MSL3: variants seen among roughly 807,000 people sequenced by gnomAD.
The protein encoded by MSL3 is MSL complex subunit 3.
A neutral mutation model predicts 37.2 loss-of-function variants in MSL3; 5 were observed. The ratio of observed to expected loss-of-function variants is 0.13; its 90% CI spans 0.07 to 0.28. The LOEUF is 0.28. Ranked by LOEUF, MSL3 falls within the 10% of genes least tolerant of loss-of-function variation. MSL3 has a pLI of 1.00. For synonymous variants in MSL3, 149 were observed against 147.6 expected (o/e 1.01, Z -0.07); for missense variants, 315 against 408.5 (o/e 0.77, Z 1.97).
intron 12 of MSL3, among the ~76,000 whole-genome samples, chrX:11,773,235 T>C (rs2053245371): frequency 8.9e-6 from 1 of 111,982 alleles, no homozygotes; most frequent in Non-Finnish European, 1.9e-5. Context: ...AGCCAGTCAT[T>C]TTTTTATCTA....
intron 10 of MSL3, among the ~76,000 whole-genome samples, chrX:11,770,924 AC>A (rs2053227047): frequency 8.9e-6 from 1 of 111,926 alleles, no homozygotes; most frequent in South Asian, 3.7e-4. Context: ...AGCTGTGTGC[AC>A]TGGGCAGGTG....
Position 11,772,701 on chromosome X carries a change from T to A in MSL3, c.1462T>A (p.Leu488Met). The change falls in exon 12 of 13, where the codon TTG (leucine) becomes ATG (methionine). Residue 488 changes from leucine to methionine, a missense_variant. Physicochemically the swap from Leu to Met is conservative, Grantham distance 15 (BLOSUM62 2). Transcript: ENST00000312196. ...TTTATTGAAGCACTTTGATCTCTTT[T>A]TGAGGTATTTTTATTATTTTGTCAA... The part of the protein sequence containing the change: ...KALLKHFDLF[L>M]RFLAEYHDDF... 5.2e-6 allele frequency: 6 copies of A among 1,148,926 alleles called. No homozygotes were observed. Among genetic ancestry groups the A allele is most frequent in the Non-Finnish European group, 7.1e-6 (6 of 846,523 alleles). The allele number at this position is 1,148,926 out of a possible 1,213,427, so 94.7% of individuals were successfully genotyped here.
intron 11 of MSL3, 97 bp downstream of exon 11, chrX:11,772,352 T>C: frequency 1.4e-6 from 1 of 711,246 alleles, no homozygotes. Context: ...ATTATCTAAC[T>C]AAGAAATTTG....
intron 8 of MSL3, among the ~76,000 whole-genome samples, chrX:11,764,716 C>T (rs1448204198): frequency 8.9e-6 from 1 of 112,176 alleles, no homozygotes; most frequent in East Asian, 2.8e-4. Context: ...CAGTGTGCTG[C>T]CCTTTTTCTC....
rs375478362 is a variant in MSL3 at position 11,765,802 on chromosome X, G to C, written c.1171+73G>C. 8.5e-7 allele frequency: 1 copy of C among 1,177,083 alleles called. No homozygotes were observed. The highest frequency in any genetic ancestry group is 1.8e-5 in the African/African-American group (1 of 56,754). ...TTTGTGTTTAGTCAGTGCCAGGCAT[G>C]GTGCTGAGGTTACATGTGTGTGTGT... On this transcript the variant is annotated intron_variant, in intron 9 of 12. Coordinates refer to ENST00000312196, the MANE Select transcript of MSL3 (RefSeq NM_078629.4).
In MSL3 at chrX:11,775,144, A is replaced by G. The variant is rs757920506; in HGVS notation, c.*65A>G. Reference sequence around the variant, plus strand: ...TTGGCGCTCTGGGTTCCAGGTGAATAACTAACAAGGTGGTGGGTCTTTACC... The same window carrying G: ...TTGGCGCTCTGGGTTCCAGGTGAATGACTAACAAGGTGGTGGGTCTTTACC... On this transcript the variant is annotated 3_prime_UTR_variant, in exon 13 of 13. Coordinates refer to ENST00000312196, the MANE Select transcript of MSL3 (RefSeq NM_078629.4). The G allele has an allele frequency of 1.1e-5, 9 of 837,788 alleles. No homozygotes were observed. Among genetic ancestry groups the G allele is most frequent in the Non-Finnish European group, 1.6e-5 (9 of 564,273 alleles). 69.0% of individuals were successfully genotyped at this position (837,788 alleles called of 1,213,427 possible).
At chrX:11,759,503 A>G (rs766561280) in intron 1 of MSL3, 9 of 693,290 alleles carry the variant, frequency 1.3e-5, no homozygotes, top group Non-Finnish European at 1.7e-5. Flanking sequence ...TGCAGCTTTC[A>G]TCTAGCCTGG....
upstream of MSL3, chrX:11,758,191 C>CGG: frequency 5.7e-6 from 1 of 175,908 alleles, no homozygotes; most frequent in Non-Finnish European, 9.9e-6. Flanking sequence ...ACCGCCTCCC[C>CGG]GCCCCCGCCC....
chrX:11,758,513 A>C, intron 1 of MSL3, 148 bp downstream of exon 1: 1 of 1,026,952 alleles, frequency 9.7e-7, no homozygotes. Flanking sequence ...GGGCGCTCAC[A>C]GGGCGCTACG....
intron 5 of MSL3, 140 bp from the exon 6 acceptor site, chrX:11,761,990 C>T: frequency 2.2e-6 from 1 of 461,494 alleles, no homozygotes; most frequent in Non-Finnish European, 3.6e-6. Flanking sequence ...TAACTTTTGG[C>T]CTTTAACATA....
intron 8 of MSL3, chrX:11,764,239 G>A (rs959098669): frequency 2.7e-5 from 5 of 184,646 alleles, no homozygotes; most frequent in Non-Finnish European, 3.9e-5. Flanking sequence ...AGCACAGGCC[G>A]GGGAGGGTGG....
chrX:11,765,450 TC>T lies in MSL3; in HGVS notation c.909-15del, dbSNP rs1273243699. 8.5e-7 allele frequency: 1 copy of T among 1,169,859 alleles called. No homozygotes were observed. The highest frequency in any genetic ancestry group is 2.5e-5 in the Admixed American group (1 of 39,672). On this transcript the variant is annotated splice_polypyrimidine_tract_variant and intron_variant, in intron 8 of 12. Transcript: ENST00000312196. Reference sequence around the variant, plus strand: ...AAGGCCCTTTGAGCCATGTGTGACATCCTCCATCTTCCCTAGGAGCCAGGAG... The same window carrying T: ...AAGGCCCTTTGAGCCATGTGTGACATCTCCATCTTCCCTAGGAGCCAGGAG...
Position 11,765,710 on chromosome X carries a change from C to G in MSL3, c.1152C>G (p.Leu384=), listed in dbSNP as rs1190400424. The change falls in exon 9 of 13, where the codon CTC becomes CTG. Residue 384 remains leucine (L), a synonymous_variant. Coordinates refer to ENST00000312196, the MANE Select transcript of MSL3 (RefSeq NM_078629.4). The part of the protein sequence containing the change: ...QQDTSASMPK[L]FLHLEKKTPV... ...ACACATCCGCCAGCATGCCCAAGCTCTTCCTGCACCTGGAAAAGAGTAGGT... is the reference window on the plus strand; with the variant it reads ...ACACATCCGCCAGCATGCCCAAGCTGTTCCTGCACCTGGAAAAGAGTAGGT... 1.7e-6 allele frequency: 2 copies of G among 1,212,005 alleles called. No homozygotes were observed. The highest frequency in any genetic ancestry group is 2.2e-6 in the Non-Finnish European group (2 of 895,462).
intron 1 of MSL3, chrX:11,758,619 G>C (rs2053096206): frequency 1.7e-6 from 2 of 1,144,805 alleles, no homozygotes; most frequent in Non-Finnish European, 2.3e-6. Flanking sequence ...GCTTTGTCGC[G>C]TTACCGGGGC....
chrX:11,765,501 T>C lies in MSL3; in HGVS notation c.943T>C (p.Leu315=). Reference sequence around the variant, plus strand: ...GGAACTCTCTCCCAGTCCGCCTTTGTTGAATCCATCCACGCCACAGTCCAC... The same window carrying C: ...GGAACTCTCTCCCAGTCCGCCTTTGCTGAATCCATCCACGCCACAGTCCAC... ...QEELSPSPPL[L]NPSTPQSTES... is the part of the protein sequence containing the mutation. The change falls in exon 9 of 13, where the codon TTG becomes CTG. Residue 315 remains leucine, a synonymous_variant. Coordinates refer to ENST00000312196, the MANE Select transcript of MSL3 (RefSeq NM_078629.4). 4 of 1,202,745 alleles carry C rather than the reference T, an allele frequency of 3.3e-6. No homozygotes were observed. Among genetic ancestry groups the C allele is most frequent in the Non-Finnish European group, 4.5e-6 (4 of 890,212 alleles).
At chrX:11,762,307 T>C in intron 6 of MSL3, 55 bp downstream of exon 6, 1 of 1,036,365 alleles carries the variant, frequency 9.6e-7, no homozygotes, top group South Asian at 2.3e-5. Context: ...CATTTTGCCA[T>C]AGTTTGCAAT....
At chrX:11,768,448 CTT>C in intron 9 of MSL3, 123 bp from the exon 10 acceptor site, 1 of 460,592 alleles carries the variant, frequency 2.2e-6, no homozygotes, top group Non-Finnish European at 3.8e-6. Context: ...TTAGGAAAGT[CTT>C]ATCGTTAAAG....
chrX:11,760,557 A>C, intron 3 of MSL3, 59 bp downstream of exon 3: 3 of 853,193 alleles, frequency 3.5e-6, no homozygotes, highest in Non-Finnish European at 4.9e-6. Flanking sequence ...TTAGTGTTTT[A>C]GATTTTTATG....
At position 11,775,421 on chromosome X, in the gene MSL3, G is replaced by C. The variant is rs751884274; in HGVS notation, c.*342G>C. The C allele has an allele frequency of 6.6e-6, 1 of 150,679 alleles. No homozygotes were observed. Among genetic ancestry groups the C allele is most frequent in the South Asian group, 3.0e-4 (1 of 3,281 alleles). 12.4% of individuals were successfully genotyped at this position (150,679 alleles called of 1,213,427 possible). On this transcript the variant is annotated 3_prime_UTR_variant, in exon 13 of 13. Transcript: ENST00000312196. ...AACCACATTGTCTCTTTATTTGTTA[G>C]CATTAAACAAATTTTTTTTTGCAAA...
Sources: gnomAD v4.1 joint callset for allele counts (sites outside exome capture counted in the v4.1 genomes callset) on GRCh38, gnomAD v4.1.1 for gene constraint, MANE v1.5 for transcripts, NCBI Gene and HGNC (gene_info 2026-07-23, HGNC 2026-07-21) for gene names.